Variants in SNTG1 observed in about 807,000 individuals in gnomAD.
The protein encoded by SNTG1 is syntrophin gamma 1.
SNTG1 carries 39 observed loss-of-function variants against 74.7 expected under a neutral mutation model. That is an observed-to-expected ratio of 0.52 (90% CI 0.40 to 0.68). The LOEUF (loss-of-function observed/expected upper bound fraction) is 0.68. Among genes scored for constraint, SNTG1 ranks in the 30% least tolerant of loss-of-function variants. SNTG1 has a pLI of 0.00. For missense variants in SNTG1, 685 were observed against 609.5 expected (o/e 1.12, Z -1.30); for synonymous variants, 254 against 217.1 (o/e 1.17, Z -1.49).
At chr8:50,422,670 G>A (rs2093107810) in intron 4 of SNTG1, among the ~76,000 whole-genome samples, 1 of 152,118 alleles carries the variant, frequency 6.6e-6, no homozygotes, top group African/African-American at 2.4e-5. Context: ...AATCCTGGGT[G>A]GAACCACAGG....
At chr8:50,059,703 C>T (rs903963077) in intron 1 of SNTG1, among the ~76,000 whole-genome samples, 3 of 152,136 alleles carry the variant, frequency 2.0e-5, no homozygotes, top group Admixed American at 2.0e-4. Flanking sequence ...TAGGATTTCA[C>T]TATATGACTA....
At chr8:50,699,058 A>C (rs920767240) in intron 15 of SNTG1, among the ~76,000 whole-genome samples, 2 of 152,140 alleles carry the variant, frequency 1.3e-5, no homozygotes, top group Non-Finnish European at 2.9e-5. Context: ...ACTGAGGTGG[A>C]TCTTAATCAA....
intron 15 of SNTG1, among the ~76,000 whole-genome samples, chr8:50,670,349 G>A (rs530247575): frequency 1.3e-5 from 2 of 151,968 alleles, no homozygotes; most frequent in East Asian, 1.9e-4. Flanking sequence ...CAAAGTCTCA[G>A]GATACAAAAT....
At chr8:50,450,663 A>C (rs781411406) in intron 7 of SNTG1, 25 bp from the exon 8 acceptor site, 1 of 1,613,450 alleles carries the variant, frequency 6.2e-7, no homozygotes, top group Admixed American at 1.7e-5. Flanking sequence ...TGCCATGGGA[A>C]ACTATGCTTT....
intron 4 of SNTG1, among the ~76,000 whole-genome samples, chr8:50,412,387 A>G (rs1015756586): frequency 6.6e-6 from 1 of 152,116 alleles, no homozygotes; most frequent in Admixed American, 6.6e-5. Context: ...TCTTTCTTTG[A>G]CAGATTGAGT....
intron 1 of SNTG1, among the ~76,000 whole-genome samples, chr8:49,935,209 GTGTGT>G (rs1807950259): frequency 8.1e-6 from 1 of 123,430 alleles, no homozygotes; most frequent in African/African-American, 3.0e-5. Flanking sequence ...AGAAGTGTGT[GTGTGT>G]GTGTGTGTGT....
intron 1 of SNTG1, among the ~76,000 whole-genome samples, chr8:50,066,565 T>C (rs751756534): frequency 6.6e-6 from 1 of 152,194 alleles, no homozygotes. Flanking sequence ...TTTTTGTGCG[T>C]TTGTATATCT....
intron 10 of SNTG1, among the ~76,000 whole-genome samples, chr8:50,530,536 T>C (rs1341532043): frequency 1.3e-5 from 2 of 152,182 alleles, no homozygotes; most frequent in Non-Finnish European, 2.9e-5. Context: ...TTTTAGAACA[T>C]TGCACATTAT....
chr8:50,484,161 C>T (rs201829525), intron 8 of SNTG1, among the ~76,000 whole-genome samples: 1,983 of 39,496 alleles, frequency 0.05, 56 homozygotes, highest in African/African-American at 0.11. Context: ...TCCTTCCTTC[C>T]TTCCTTCCTT....
intron 2 of SNTG1, among the ~76,000 whole-genome samples, chr8:50,274,516 T>C (rs2087982241): frequency 6.6e-6 from 1 of 152,200 alleles, no homozygotes; most frequent in Admixed American, 6.5e-5. Context: ...TTTACATTTC[T>C]TTTCAATTTG....
intron 13 of SNTG1, among the ~76,000 whole-genome samples, chr8:50,643,118 G>T (rs10958003): frequency 0.23 from 34,564 of 152,110 alleles, 4,600 homozygotes; most frequent in African/African-American, 0.36. Context: ...GGAATTATTT[G>T]AATTGTCAGG....
At chr8:50,158,803 A>G (rs1309198356) in intron 1 of SNTG1, among the ~76,000 whole-genome samples, 2 of 152,190 alleles carry the variant, frequency 1.3e-5, no homozygotes, top group East Asian at 1.9e-4. Context: ...CTTGATGCAC[A>G]TGTGTAAGAG....
intron 14 of SNTG1, 84 bp downstream of exon 14, chr8:50,657,109 C>A: frequency 1.6e-6 from 1 of 623,030 alleles, no homozygotes; most frequent in Admixed American, 3.0e-5. Context: ...AATAGTATAC[C>A]ATCAATATTT....
intron 2 of SNTG1, among the ~76,000 whole-genome samples, chr8:50,279,961 G>T: frequency 6.6e-6 from 1 of 152,140 alleles, no homozygotes; most frequent in East Asian, 1.9e-4. Flanking sequence ...CCTTACAAAT[G>T]GATATTTCCT....
rs561517072 is a variant in SNTG1, at chr8:49,915,521, T to G, written c.-103+3290T>G. On this transcript the variant is annotated intron_variant, in intron 1 of 18. Transcript: ENST00000642720. ...ATATTCAATGAAGGTGGACTTGGTTTCAAAAATATTTTATTACTCAGAACT... is the reference window on the plus strand; with the variant it reads ...ATATTCAATGAAGGTGGACTTGGTTGCAAAAATATTTTATTACTCAGAACT... Among the ~76,000 whole-genome samples, 8 of 152,310 alleles carry G rather than the reference T, an allele frequency of 5.3e-5. No homozygotes were observed. The South Asian group carries it at 8.3e-4, about 16-fold the overall frequency.
Position 50,399,700 on chromosome 8 carries a change from C to CA in SNTG1, c.28-2510_28-2509insA, listed in dbSNP as rs1467318402. 2.0e-5 allele frequency among the ~76,000 whole-genome samples: 3 copies of CA among 151,846 alleles called. No individual in the cohort carries two copies. The East Asian group carries it at 5.8e-4, about 29-fold the overall frequency. On this transcript the variant is annotated intron_variant, in intron 3 of 18. Transcript: ENST00000642720. ...TTCCACTCCTCAGAGTGGCTTCCCC[C>CA]CTCAAAAAGGATGCATGTCGGCCCC...
At chr8:50,609,632 C>G (rs183630624) in intron 13 of SNTG1, among the ~76,000 whole-genome samples, 1 of 152,030 alleles carries the variant, frequency 6.6e-6, no homozygotes, top group African/African-American at 2.4e-5. Flanking sequence ...TCCCTCTTCT[C>G]TCTCCTTTCT....
intron 9 of SNTG1, among the ~76,000 whole-genome samples, chr8:50,517,879 C>A (rs1476642175): frequency 6.6e-6 from 1 of 152,076 alleles, no homozygotes; most frequent in Non-Finnish European, 1.5e-5. Context: ...ACCCCACTGT[C>A]AATATTAGAC....
chr8:50,373,348 G>A (rs918770976), intron 2 of SNTG1, among the ~76,000 whole-genome samples: 2 of 152,144 alleles, frequency 1.3e-5, no homozygotes, highest in African/African-American at 4.8e-5. Flanking sequence ...TGTTTAAATT[G>A]TTGAGTAAAT....
Sources: gnomAD v4.1 joint callset for allele counts (sites outside exome capture counted in the v4.1 genomes callset) on GRCh38, gnomAD v4.1.1 for gene constraint, MANE v1.5 for transcripts, NCBI Gene and HGNC (gene_info 2026-07-23, HGNC 2026-07-21) for gene names.